GPATCH2: variants seen among roughly 807,000 people sequenced by gnomAD.
The protein encoded by GPATCH2 is G-patch domain containing 2.
Under a neutral mutation model 58.0 loss-of-function variants are expected in GPATCH2, and 51 were observed. The ratio of observed to expected loss-of-function variants is 0.88; its 90% CI spans 0.70 to 1.11. GPATCH2 has a LOEUF of 1.11. GPATCH2 is among the 50% of genes most tolerant of loss of function. The pLI is 0.00. For missense variants in GPATCH2, 625 were observed against 652.2 expected, an observed-to-expected ratio of 0.96 and a Z score of 0.45; for synonymous variants, 222 against 218.5, an observed-to-expected ratio of 1.02 and a Z score of -0.14.
intron 5 of GPATCH2, among the ~76,000 whole-genome samples, chr1:217,572,222 A>C (rs1666602496): frequency 6.6e-6 from 1 of 152,224 alleles, no homozygotes; most frequent in Non-Finnish European, 1.5e-5. Flanking sequence ...TAGAAGAATT[A>C]GAACTTAAAT....
intron 8 of GPATCH2, among the ~76,000 whole-genome samples, chr1:217,476,568 G>T (rs12027946): frequency 1.3e-5 from 2 of 152,208 alleles, no homozygotes; most frequent in South Asian, 4.2e-4. Context: ...CTATGCTCTA[G>T]GGTGAGGGAG....
chr1:217,577,135 C>T (rs758069866), intron 5 of GPATCH2, among the ~76,000 whole-genome samples: 4 of 152,042 alleles, frequency 2.6e-5, no homozygotes, highest in African/African-American at 7.2e-5. Context: ...TAATAGAAAC[C>T]CGCATCTGTC....
At chr1:217,473,367 A>T (rs1178348351) in intron 8 of GPATCH2, among the ~76,000 whole-genome samples, 1 of 151,810 alleles carries the variant, frequency 6.6e-6, no homozygotes, top group Non-Finnish European at 1.5e-5. Flanking sequence ...TTCAAAAACC[A>T]TGCCTGTTGA....
chr1:217,491,461 A>G (rs1403076301), intron 8 of GPATCH2: 1 of 210,512 alleles, frequency 4.8e-6, no homozygotes, highest in African/African-American at 2.3e-5. Context: ...TAAATATTTT[A>G]TTTTAAAAAT....
chr1:217,489,871 A>C (rs1661635277), intron 8 of GPATCH2, among the ~76,000 whole-genome samples: 1 of 152,254 alleles, frequency 6.6e-6, no homozygotes, highest in South Asian at 2.1e-4. Flanking sequence ...TCAAATAAAA[A>C]AGAATTGAGA....
intron 8 of GPATCH2, among the ~76,000 whole-genome samples, chr1:217,452,551 C>T (rs2102473923): frequency 6.6e-6 from 1 of 152,240 alleles, no homozygotes; most frequent in Admixed American, 6.5e-5. Flanking sequence ...AAAAATAACT[C>T]TCCCAAGTCA....
Position 217,427,828 on chromosome 1 carries a change from A to C in GPATCH2, c.*3317T>G, listed in dbSNP as rs1203224582. 1 of 152,162 alleles carries C rather than the reference A, an allele frequency of 6.6e-6. No individual in the cohort carries two copies. The highest frequency in any genetic ancestry group is 1.5e-5 in the Non-Finnish European group (1 of 67,994). The allele number at this position is 152,162 out of a possible 1,614,324, so 9.4% of individuals were successfully genotyped here. A position where few individuals can be genotyped will look rare whatever the true frequency, so the allele number is the denominator to read the frequency against. The stretch of plus-strand genomic sequence containing the variant: ...TCAATATTAAAATAAACATTAATAA[A>C]ATGCAGTATTTTGTAATTATGTCTG... On this transcript the variant is annotated 3_prime_UTR_variant, in exon 10 of 10. Transcript: ENST00000366935.
intron 5 of GPATCH2, among the ~76,000 whole-genome samples, chr1:217,548,493 G>T (rs1665185123): frequency 6.6e-6 from 1 of 152,160 alleles, no homozygotes; most frequent in African/African-American, 2.4e-5. Context: ...AGAAATCTCA[G>T]TCGTGAAAAG....
chr1:217,579,373 G>GGA (rs1553345628), intron 5 of GPATCH2, among the ~76,000 whole-genome samples: 1 of 146,704 alleles, frequency 6.8e-6, no homozygotes, highest in Admixed American at 6.8e-5. Flanking sequence ...ACACAGACAA[G>GGA]AAAAAAAAAA....
intron 9 of GPATCH2, among the ~76,000 whole-genome samples, chr1:217,437,213 T>C (rs1013634901): frequency 6.6e-6 from 1 of 152,068 alleles, no homozygotes; most frequent in Non-Finnish European, 1.5e-5. Flanking sequence ...GATACTACGC[T>C]GTTCCCACGA....
At chr1:217,595,687 A>G (rs1238249038) in intron 5 of GPATCH2, among the ~76,000 whole-genome samples, 1 of 151,974 alleles carries the variant, frequency 6.6e-6, no homozygotes, top group East Asian at 1.9e-4. Context: ...TTTAGTAGAG[A>G]AAGGGTTTTG....
intron 5 of GPATCH2, among the ~76,000 whole-genome samples, chr1:217,571,720 A>C (rs190766427): frequency 0.023 from 3,381 of 145,142 alleles, 127 homozygotes; most frequent in East Asian, 0.15. Flanking sequence ...AAAAAAAAAA[A>C]CAAAAAAGAA....
chr1:217,468,564 G>C (rs375186607), intron 8 of GPATCH2, among the ~76,000 whole-genome samples: 41 of 142,676 alleles, frequency 2.9e-4, no homozygotes, highest in Middle Eastern at 3.5e-3. Context: ...CACACACACA[G>C]AGAGAAAGAG....
At chr1:217,559,940 C>T (rs867211012) in intron 5 of GPATCH2, among the ~76,000 whole-genome samples, 1 of 151,946 alleles carries the variant, frequency 6.6e-6, no homozygotes, top group East Asian at 1.9e-4. Context: ...CTATTCTAGG[C>T]TTGGTTCAAG....
intron 9 of GPATCH2, among the ~76,000 whole-genome samples, chr1:217,433,045 G>A (rs1658620371): frequency 6.6e-6 from 1 of 151,320 alleles, no homozygotes; most frequent in South Asian, 2.1e-4. Context: ...AAAGTTTCAT[G>A]AGTCTCTTTA....
chr1:217,578,937 C>T (rs1288072176), intron 5 of GPATCH2, among the ~76,000 whole-genome samples: 1 of 152,144 alleles, frequency 6.6e-6, no homozygotes, highest in Non-Finnish European at 1.5e-5. Flanking sequence ...AAAGACTTGA[C>T]AACTGATATT....
intron 8 of GPATCH2, among the ~76,000 whole-genome samples, chr1:217,453,471 T>G (rs976399333): frequency 2.0e-5 from 3 of 152,202 alleles, no homozygotes; most frequent in Admixed American, 1.3e-4. Context: ...TTCCCAAGTA[T>G]TACTTCTGAA....
chr1:217,544,706 A>G (rs1303237864), intron 5 of GPATCH2, among the ~76,000 whole-genome samples: 1 of 152,162 alleles, frequency 6.6e-6, no homozygotes, highest in East Asian at 1.9e-4. Context: ...TTCTTCACAT[A>G]AGGCATTTAG....
rs1371160068 is a variant in GPATCH2 at position 217,429,788 on chromosome 1, AC to A, written c.*1356del. 6.8e-6 allele frequency: 1 copy of A among 147,242 alleles called. No homozygotes were observed. Among genetic ancestry groups the A allele is most frequent in the African/African-American group, 2.5e-5 (1 of 39,730 alleles). The allele number at this position is 147,242 out of a possible 1,614,324, so 9.1% of individuals were successfully genotyped here. A position where few individuals can be genotyped will look rare whatever the true frequency, so the allele number is the denominator to read the frequency against. ...GGCTGCAGTGAGCCGAGAGTGCGCCACTGCACTCCAGCCTGGGCGACAGAGG... is the reference window on the plus strand; with the variant it reads ...GGCTGCAGTGAGCCGAGAGTGCGCCATGCACTCCAGCCTGGGCGACAGAGG... On this transcript the variant is annotated 3_prime_UTR_variant, in exon 10 of 10. Transcript: ENST00000366935.
Sources: gnomAD v4.1 joint callset for allele counts (sites outside exome capture counted in the v4.1 genomes callset) on GRCh38, gnomAD v4.1.1 for gene constraint, MANE v1.5 for transcripts, NCBI Gene and HGNC (gene_info 2026-07-23, HGNC 2026-07-21) for gene names.